The following PRKCE variants were observed in gnomAD, a reference collection of about 807,000 sequenced individuals.
PRKCE encodes the protein protein kinase C epsilon type.
Under a neutral mutation model 85.4 loss-of-function variants are expected in PRKCE, and 16 were observed. The ratio of observed to expected loss-of-function variants is 0.19; its 90% CI spans 0.13 to 0.28. The LOEUF is 0.28. PRKCE is among the 10% of genes least tolerant of loss of function. The pLI is 1.00. For synonymous variants in PRKCE, 388 were observed against 371.5 expected, an observed-to-expected ratio of 1.04 and a Z score of -0.51; for missense variants, 573 against 975.2, an observed-to-expected ratio of 0.59 and a Z score of 5.49.
chr2:46,160,226 G>A lies in PRKCE; in HGVS notation c.2067+474G>A, dbSNP rs188007729. Reference sequence around the variant, plus strand: ...CTGGCAGCAGGAAGGATGGTGCTGGGGGGAGCTTCTGGGAGGCCCACTGCG... The same window carrying A: ...CTGGCAGCAGGAAGGATGGTGCTGGAGGGAGCTTCTGGGAGGCCCACTGCG... On this transcript the variant is annotated intron_variant, in intron 14 of 14. Coordinates refer to ENST00000306156, the MANE Select transcript of PRKCE (RefSeq NM_005400.3). Among the ~76,000 whole-genome samples the A allele has an allele frequency of 2.0e-5, 3 of 152,286 alleles. No homozygotes were observed. The East Asian group carries it at 5.8e-4, about 29-fold the overall frequency.
chr2:46,099,403 C>T (rs1228609265), intron 11 of PRKCE, among the ~76,000 whole-genome samples: 1 of 152,078 alleles, frequency 6.6e-6, no homozygotes, highest in Non-Finnish European at 1.5e-5. Flanking sequence ...CATTTATTAC[C>T]AAGATCTTAA....
intron 1 of PRKCE, among the ~76,000 whole-genome samples, chr2:45,659,531 C>G (rs1039555047): frequency 7.9e-5 from 12 of 152,134 alleles, no homozygotes; most frequent in African/African-American, 2.9e-4. Flanking sequence ...TATCCCTTAC[C>G]ATAATTTACA....
chr2:45,784,684 A>G (rs1460133782), intron 1 of PRKCE, among the ~76,000 whole-genome samples: 1 of 152,198 alleles, frequency 6.6e-6, no homozygotes, highest in African/African-American at 2.4e-5. Context: ...AACACTTACA[A>G]AAGTATAACA....
chr2:45,651,829 G>C lies in PRKCE; in HGVS notation c.-272G>C, dbSNP rs971393859. 15 of 338,230 alleles carry C rather than the reference G, an allele frequency of 4.4e-5. No individual in the cohort carries two copies. Among genetic ancestry groups the C allele is most frequent in the Non-Finnish European group, 7.6e-5 (14 of 184,196 alleles). 21.0% of individuals were successfully genotyped at this position (338,230 alleles called of 1,614,324 possible). On this transcript the variant is annotated 5_prime_UTR_variant, in exon 1 of 15. Coordinates refer to ENST00000306156, the MANE Select transcript of PRKCE (RefSeq NM_005400.3). ...GCTCGTCTTCTCTTCTGGAGGTGCA[G>C]CTGGTGGTCGGGGGGAGAGACTTGC...
At chr2:45,769,454 A>G (rs1361268235) in intron 1 of PRKCE, among the ~76,000 whole-genome samples, 1 of 152,018 alleles carries the variant, frequency 6.6e-6, no homozygotes, top group Non-Finnish European at 1.5e-5. Flanking sequence ...TGCGTATCTG[A>G]TGGTTGTGTG....
At chr2:45,822,807 C>T (rs974501105) in intron 1 of PRKCE, among the ~76,000 whole-genome samples, 2 of 152,188 alleles carry the variant, frequency 1.3e-5, no homozygotes, top group African/African-American at 4.8e-5. Flanking sequence ...AACCTTCTGT[C>T]TCTGTAAGGA....
intron 10 of PRKCE, among the ~76,000 whole-genome samples, chr2:46,085,327 G>A (rs952712138): frequency 1.3e-5 from 2 of 152,176 alleles, no homozygotes; most frequent in African/African-American, 4.8e-5. Flanking sequence ...AGTGCATGGG[G>A]GTTCACAGTC....
rs930911621 is a variant in PRKCE, at chr2:46,124,094, G to A, written c.1593-20999G>A. On this transcript the variant is annotated intron_variant, in intron 11 of 14. Transcript: ENST00000306156. ...AATCTCAGCACTTTGGGAGGCCAAG[G>A]TGGGCGGATCACTGGAGGTCAGGAG... Among the ~76,000 whole-genome samples the A allele has an allele frequency of 3.9e-5, 6 of 151,964 alleles. No individual in the cohort carries two copies. The South Asian group carries it at 1.2e-3, about 32-fold the overall frequency.
At chr2:46,002,523 T>A (rs914297633) in intron 7 of PRKCE, among the ~76,000 whole-genome samples, 1 of 152,268 alleles carries the variant, frequency 6.6e-6, no homozygotes, top group Non-Finnish European at 1.5e-5. Flanking sequence ...GTTGCTTCTC[T>A]TGTATAGGAA....
At chr2:46,059,017 A>G (rs1192934164) in intron 10 of PRKCE, among the ~76,000 whole-genome samples, 1 of 152,214 alleles carries the variant, frequency 6.6e-6, no homozygotes, top group Non-Finnish European at 1.5e-5. Context: ...ATTTTAAGTA[A>G]TAGAATAAAA....
intron 1 of PRKCE, among the ~76,000 whole-genome samples, chr2:45,819,219 C>A (rs1438816570): frequency 6.6e-6 from 1 of 152,180 alleles, no homozygotes; most frequent in Non-Finnish European, 1.5e-5. Flanking sequence ...GAGGGAGGTA[C>A]TTTGTCCCCA....
intron 2 of PRKCE, among the ~76,000 whole-genome samples, chr2:45,909,569 CAAAT>C (rs887699916): frequency 6.6e-6 from 1 of 152,178 alleles, no homozygotes; most frequent in African/African-American, 2.4e-5. Flanking sequence ...GTTAAAATAG[CAAAT>C]AAACAAAGCT....
intron 10 of PRKCE, among the ~76,000 whole-genome samples, chr2:46,034,593 A>G (rs1334982634): frequency 2.0e-5 from 3 of 152,180 alleles, no homozygotes; most frequent in Non-Finnish European, 4.4e-5. Flanking sequence ...AGGACACCAC[A>G]GTAACTCAGT....
chr2:45,872,486 C>G (rs987099675), intron 2 of PRKCE, among the ~76,000 whole-genome samples: 2 of 152,158 alleles, frequency 1.3e-5, no homozygotes, highest in Admixed American at 1.3e-4. Flanking sequence ...TGAGGTTTAA[C>G]AGCATCATTC....
rs1702684367 is a variant in PRKCE, at chr2:45,979,110, G to A, written c.607+100G>A. 7 of 1,066,734 alleles carry A rather than the reference G, an allele frequency of 6.6e-6. No individual in the cohort carries two copies. The South Asian group carries it at 8.1e-5, about 12-fold the overall frequency. 66.1% of individuals were successfully genotyped at this position (1,066,734 alleles called of 1,614,324 possible). A position where few individuals can be genotyped will look rare whatever the true frequency, so the allele number is the denominator to read the frequency against. ...GTGCTCAGTCTGATGACATTTGGAG[G>A]CTCTCCACAGCTTGCATGCTTTCTT... On this transcript the variant is annotated intron_variant, in intron 4 of 14. Coordinates refer to ENST00000306156, the MANE Select transcript of PRKCE (RefSeq NM_005400.3).
chr2:46,035,907 C>CTTGA (rs1407084323), intron 10 of PRKCE, among the ~76,000 whole-genome samples: 1 of 152,176 alleles, frequency 6.6e-6, no homozygotes, highest in Non-Finnish European at 1.5e-5. Context: ...CAAGTAGTGG[C>CTTGA]AGAAAGGCAA....
intron 1 of PRKCE, among the ~76,000 whole-genome samples, chr2:45,835,030 G>T (rs1690741496): frequency 6.6e-6 from 1 of 152,198 alleles, no homozygotes; most frequent in Non-Finnish European, 1.5e-5. Flanking sequence ...TCAGCTGTGT[G>T]CCTGTGAGTG....
chr2:45,993,828 G>A (rs372890901), intron 6 of PRKCE, among the ~76,000 whole-genome samples: 195 of 152,288 alleles, frequency 1.3e-3, no homozygotes, highest in African/African-American at 4.5e-3. Context: ...TGATCAGCCC[G>A]CGGATCAGAG....
intron 2 of PRKCE, among the ~76,000 whole-genome samples, chr2:45,959,699 G>GT (rs1701251264): frequency 1.3e-5 from 2 of 152,136 alleles, no homozygotes; most frequent in Admixed American, 1.3e-4. Flanking sequence ...GTTCCCAGAG[G>GT]TTAATGCCTG....
Sources: gnomAD v4.1 joint callset for allele counts (sites outside exome capture counted in the v4.1 genomes callset) on GRCh38, gnomAD v4.1.1 for gene constraint, MANE v1.5 for transcripts, NCBI Gene and HGNC (gene_info 2026-07-23, HGNC 2026-07-21) for gene names.